CNTNAP5: variants seen among roughly 807,000 people sequenced by gnomAD.
The protein encoded by CNTNAP5 is contactin-associated protein-like 5.
Under a neutral mutation model 150.2 loss-of-function variants are expected in CNTNAP5, and 72 were observed. That is an observed-to-expected ratio of 0.48 (90% CI 0.40 to 0.58). CNTNAP5 has a LOEUF of 0.58. CNTNAP5 is among the 20% of genes least tolerant of loss of function. The pLI, the probability that CNTNAP5 is intolerant of heterozygous loss-of-function variation, is 0.00. For synonymous variants in CNTNAP5, 672 were observed against 619.8 expected (o/e 1.08, Z -1.25); for missense variants, 1,636 against 1,626.2 (o/e 1.01, Z -0.10).
chr2:124,471,699 C>T (rs575638613), intron 6 of CNTNAP5, among the ~76,000 whole-genome samples: 18 of 152,024 alleles, frequency 1.2e-4, no homozygotes, highest in African/African-American at 4.3e-4. Flanking sequence ...TGGCTGTGGG[C>T]TTTTCATATG....
chr2:124,696,367 CT>C (rs1236458675), intron 13 of CNTNAP5, among the ~76,000 whole-genome samples: 1 of 152,174 alleles, frequency 6.6e-6, no homozygotes, highest in East Asian at 1.9e-4. Flanking sequence ...AATAAAAAGG[CT>C]TGTGATCTTT....
At chr2:124,544,705 A>C (rs1695472255) in intron 10 of CNTNAP5, among the ~76,000 whole-genome samples, 1 of 152,176 alleles carries the variant, frequency 6.6e-6, no homozygotes, top group African/African-American at 2.4e-5. Context: ...ACCATATTGG[A>C]TAGGGCAGGG....
chr2:124,241,053 G>A (rs1686874153), intron 2 of CNTNAP5, among the ~76,000 whole-genome samples: 1 of 152,158 alleles, frequency 6.6e-6, no homozygotes, highest in Admixed American at 6.6e-5. Context: ...GTCCTGAGTT[G>A]CTTCTATGCT....
chr2:124,720,960 A>G (rs1680036575), intron 13 of CNTNAP5, among the ~76,000 whole-genome samples: 1 of 152,114 alleles, frequency 6.6e-6, no homozygotes, highest in Non-Finnish European at 1.5e-5. Context: ...CTATGAACCT[A>G]AATAATGCTG....
rs1685802497 is a variant in CNTNAP5 at position 124,204,100 on chromosome 2, T to C, written c.83-17605T>C. Among the ~76,000 whole-genome samples the C allele has an allele frequency of 2.0e-5, 3 of 152,198 alleles. No homozygotes were observed. The South Asian group carries it at 6.2e-4, about 31-fold the overall frequency. ...TTTGGAAATGAATAAAATGGAATGTTTTTAAGAGCACCCTAGTCATGTCTT... is the reference window on the plus strand; with the variant it reads ...TTTGGAAATGAATAAAATGGAATGTCTTTAAGAGCACCCTAGTCATGTCTT... On this transcript the variant is annotated intron_variant, in intron 1 of 23. Coordinates refer to ENST00000682447, the MANE Select transcript of CNTNAP5 (RefSeq NM_001367498.1).
intron 17 of CNTNAP5, among the ~76,000 whole-genome samples, chr2:124,786,394 AGAAAGAAGGAAGGAAGGAAGGAAG>A (rs1374530297): frequency 6.4e-5 from 4 of 62,098 alleles, no homozygotes; most frequent in African/African-American, 2.9e-4. Context: ...AAAGAAAGAA[AGAAAGAAGGAAGGAAGGAAGGAAG>A]GAAGGAAGGA....
intron 13 of CNTNAP5, among the ~76,000 whole-genome samples, chr2:124,710,422 T>C (rs78248050): frequency 0.034 from 5,214 of 152,202 alleles, 291 homozygotes; most frequent in African/African-American, 0.12. Flanking sequence ...GTACGCAACC[T>C]GTAATAGAAA....
intron 12 of CNTNAP5, among the ~76,000 whole-genome samples, chr2:124,618,280 G>A (rs1224358419): frequency 6.6e-6 from 1 of 152,030 alleles, no homozygotes; most frequent in Non-Finnish European, 1.5e-5. Context: ...AAAAAGATGA[G>A]CAACAGACTA....
At chr2:124,542,925 T>G (rs1229069202) in intron 10 of CNTNAP5, among the ~76,000 whole-genome samples, 1 of 152,216 alleles carries the variant, frequency 6.6e-6, no homozygotes, top group Non-Finnish European at 1.5e-5. Context: ...TGGGCAAGTA[T>G]TGCCTCAAGA....
intron 3 of CNTNAP5, among the ~76,000 whole-genome samples, chr2:124,331,883 T>A (rs567664347): frequency 1.3e-5 from 2 of 152,098 alleles, no homozygotes; most frequent in African/African-American, 2.4e-5. Context: ...TAATCTTTTA[T>A]CAATATTACA....
At chr2:124,456,152 GT>G in intron 6 of CNTNAP5, among the ~76,000 whole-genome samples, 1 of 152,150 alleles carries the variant, frequency 6.6e-6, no homozygotes, top group African/African-American at 2.4e-5. Flanking sequence ...TATATGATTG[GT>G]TACCTAGACA....
At chr2:124,620,804 A>T (rs1049055196) in intron 12 of CNTNAP5, among the ~76,000 whole-genome samples, 1 of 152,008 alleles carries the variant, frequency 6.6e-6, no homozygotes, top group East Asian at 1.9e-4. Context: ...AGCCTTAAAA[A>T]GTAGATGGTC....
chr2:124,706,940 AAGG>A (rs368704738), intron 13 of CNTNAP5, among the ~76,000 whole-genome samples: 1,093 of 18,142 alleles, frequency 0.06, 74 homozygotes, highest in African/African-American at 0.096. Context: ...GAAGAAGAAG[AAGG>A]AGGAGGAGGA....
At chr2:124,488,494 T>A (rs992545382) in intron 7 of CNTNAP5, among the ~76,000 whole-genome samples, 2 of 152,220 alleles carry the variant, frequency 1.3e-5, no homozygotes, top group Non-Finnish European at 2.9e-5. Context: ...TAATGCCAAA[T>A]CTGTGCTTAG....
At chr2:124,358,307 C>A (rs1301750366) in intron 3 of CNTNAP5, among the ~76,000 whole-genome samples, 2 of 152,070 alleles carry the variant, frequency 1.3e-5, no homozygotes, top group African/African-American at 2.4e-5. Context: ...CCTTCTCCTG[C>A]CTAATTGCCC....
intron 17 of CNTNAP5, among the ~76,000 whole-genome samples, chr2:124,774,699 A>G (rs1415527404): frequency 1.3e-5 from 2 of 152,204 alleles, no homozygotes; most frequent in Non-Finnish European, 1.5e-5. Context: ...ATTTTCATAA[A>G]TTATATTCCA....
intron 1 of CNTNAP5, among the ~76,000 whole-genome samples, chr2:124,102,833 G>C (rs903731591): frequency 1.1e-4 from 17 of 152,150 alleles, no homozygotes; most frequent in African/African-American, 4.1e-4. Context: ...ATCAGGTAAA[G>C]CACTTAAGAC....
At chr2:124,093,177 CT>C (rs1374320569) in intron 1 of CNTNAP5, among the ~76,000 whole-genome samples, 1 of 152,198 alleles carries the variant, frequency 6.6e-6, no homozygotes, top group Non-Finnish European at 1.5e-5. Context: ...TAGACCATGG[CT>C]TGTGGAGCTG....
intron 19 of CNTNAP5, among the ~76,000 whole-genome samples, chr2:124,862,932 C>T (rs571315031): frequency 6.6e-6 from 1 of 152,264 alleles, no homozygotes; most frequent in East Asian, 1.9e-4. Flanking sequence ...TTTGGAAGAA[C>T]TAGCTGAGGT....
Sources: allele counts gnomAD v4.1 joint callset (sites outside exome capture counted in the v4.1 genomes callset), GRCh38; gene constraint gnomAD v4.1.1; transcripts MANE v1.5; gene names NCBI Gene and HGNC (gene_info 2026-07-23, HGNC 2026-07-21).